ISM2: variants seen among roughly 807,000 people sequenced by gnomAD.
ISM2 encodes the protein isthmin-2.
Under a neutral mutation model 58.0 loss-of-function variants are expected in ISM2, and 50 were observed. That is an observed-to-expected ratio of 0.86 (90% CI 0.69 to 1.09). The LOEUF is 1.09. ISM2 is among the 50% of genes least tolerant of loss of function. ISM2 has a pLI of 0.00. For synonymous variants in ISM2, 303 were observed against 312.4 expected (o/e 0.97, Z 0.32); for missense variants, 723 against 745.0 (o/e 0.97, Z 0.34).
intron 1 of ISM2, chr14:77,498,111 A>G (rs1174928230): frequency 2.5e-6 from 1 of 397,812 alleles, no homozygotes; most frequent in Non-Finnish European, 4.4e-6. Context: ...CCTGTTTTAT[A>G]CCCCAATGCC....
At chr14:77,476,948 G>A (rs1215182030) in intron 6 of ISM2, among the ~76,000 whole-genome samples, 1 of 152,182 alleles carries the variant, frequency 6.6e-6, no homozygotes, top group Non-Finnish European at 1.5e-5. Flanking sequence ...TGAGACATGA[G>A]AATCACTTGA....
In ISM2 at chr14:77,484,585, G is replaced by A. The variant is rs754522614; in HGVS notation, c.385-20C>T. 5 of 1,604,604 alleles carry A rather than the reference G, an allele frequency of 3.1e-6. No homozygotes were observed. In the Admixed American group the frequency reaches 6.8e-5, roughly 22 times the overall value. On this transcript the variant is annotated intron_variant, in intron 2 of 6. Transcript: ENST00000342219. Reference sequence around the variant, plus strand: ...TGAAGCCTGAGGAAGAGAGAGGGAAGGTGAGGTGACAGGTTAGGGCTTACC... The same window carrying A: ...TGAAGCCTGAGGAAGAGAGAGGGAAAGTGAGGTGACAGGTTAGGGCTTACC...
At chr14:77,489,515 TC>T (rs1440709757) in intron 1 of ISM2, among the ~76,000 whole-genome samples, 7 of 152,018 alleles carry the variant, frequency 4.6e-5, no homozygotes, top group Non-Finnish European at 8.8e-5. Flanking sequence ...TGGATTTCAT[TC>T]TCCCTCAACT....
intron 4 of ISM2, among the ~76,000 whole-genome samples, chr14:77,481,288 C>T (rs1391473012): frequency 1.3e-5 from 2 of 151,310 alleles, no homozygotes; most frequent in South Asian, 2.1e-4. Context: ...TGCAGTGAGC[C>T]GAGATTGTGC....
chr14:77,498,729 T>TCCAGCAGCGCCG lies in ISM2; in HGVS notation c.53_64dup (p.Ala18_Leu21dup), dbSNP rs1412980408. ...CTTCACGGGGAGCCCTAGCGCCGCC[T>TCCAGCAGCGCCG]CCAGCAGCGCCGCCAGCAGCAGCAC... On this transcript the variant is annotated inframe_insertion, in exon 1 of 7. Transcript: ENST00000342219. 7.4e-6 allele frequency: 11 copies of TCCAGCAGCGCCG among 1,481,966 alleles called. No individual in the cohort carries two copies. The African/African-American group carries it at 1.5e-4, about 20-fold the overall frequency. 91.8% of individuals were successfully genotyped at this position (1,481,966 alleles called of 1,614,324 possible).
chr14:77,482,403 A>T lies in ISM2; in HGVS notation c.892T>A (p.Trp298Arg). The T allele has an allele frequency of 6.2e-7, 1 of 1,614,210 alleles. No homozygotes were observed. The highest frequency in any genetic ancestry group is 8.5e-7 in the Non-Finnish European group (1 of 1,180,028). ...CAGTTGTCTGTAGTTCCATTGAACCAGAGCGCCTGCTCTTCCTCATCTTCC... is the reference window on the plus strand; with the variant it reads ...CAGTTGTCTGTAGTTCCATTGAACCTGAGCGCCTGCTCTTCCTCATCTTCC... ...KEEDEEEQAL[W>R]FNGTTDNWDQ... The change falls in exon 4 of 7, where the codon TGG (tryptophan) becomes AGG (arginine). Residue 298 changes from tryptophan (W) to arginine (R), a missense_variant. Physicochemically the swap from Trp to Arg is moderately radical, Grantham distance 101. Transcript: ENST00000342219.
intron 1 of ISM2, among the ~76,000 whole-genome samples, chr14:77,490,978 T>C (rs1446868699): frequency 6.6e-6 from 1 of 152,128 alleles, no homozygotes; most frequent in Non-Finnish European, 1.5e-5. Context: ...CAGACCTAGG[T>C]TCTAGTTCTC....
intron 1 of ISM2, among the ~76,000 whole-genome samples, chr14:77,490,434 T>C (rs144810418): frequency 0.014 from 2,136 of 152,270 alleles, 79 homozygotes; most frequent in Admixed American, 0.079. Flanking sequence ...ACAGACTCAC[T>C]GGATTCTCAC....
intron 1 of ISM2, among the ~76,000 whole-genome samples, chr14:77,493,732 G>A (rs1286817143): frequency 1.3e-5 from 2 of 152,094 alleles, no homozygotes; most frequent in Non-Finnish European, 2.9e-5. Context: ...AAAGTGCCGG[G>A]ATTATAGGCG....
At chr14:77,478,947 G>A (rs886951907) in intron 4 of ISM2, among the ~76,000 whole-genome samples, 2 of 152,166 alleles carry the variant, frequency 1.3e-5, no homozygotes, top group African/African-American at 4.8e-5. Context: ...ACAGTATAAC[G>A]CCTAGCCACT....
At chr14:77,480,333 C>T (rs2079123811) in intron 4 of ISM2, among the ~76,000 whole-genome samples, 1 of 151,586 alleles carries the variant, frequency 6.6e-6, no homozygotes, top group African/African-American at 2.4e-5. Context: ...TTCCCTGCTA[C>T]CCATATTAGG....
chr14:77,476,952 C>G (rs913675650), intron 6 of ISM2, among the ~76,000 whole-genome samples: 2 of 152,140 alleles, frequency 1.3e-5, no homozygotes, highest in African/African-American at 4.8e-5. Context: ...ACATGAGAAT[C>G]ACTTGAACCC....
intron 1 of ISM2, among the ~76,000 whole-genome samples, chr14:77,496,013 G>C (rs2139975194): frequency 6.6e-6 from 1 of 152,134 alleles, no homozygotes; most frequent in South Asian, 2.1e-4. Flanking sequence ...AGGAGTTTGA[G>C]ACCAGCCTGG....
intron 1 of ISM2, among the ~76,000 whole-genome samples, chr14:77,487,987 T>C (rs548906836): frequency 4.6e-5 from 7 of 152,026 alleles, no homozygotes; most frequent in Non-Finnish European, 1.0e-4. Flanking sequence ...GCCACGTACA[T>C]CTCCCAGAAG....
rs2079152244 is a variant in ISM2, at chr14:77,484,351, G to A, written c.599C>T (p.Thr200Ile). Residue 200 changes from threonine to isoleucine, a missense_variant, in exon 3 of 7, where the codon ACC (threonine) becomes ATC (isoleucine). Physicochemically the swap from Thr to Ile is moderately conservative, Grantham distance 89 (BLOSUM62 -1). Transcript: ENST00000342219. ...GTTATCAGGGTTAGGGGTACTCAAG[G>A]TTGCGTGGACCAATTCTGGCAGCTT... ...LQKLPELVHA[T>I]LSTPNPDNQV... The A allele has an allele frequency of 6.2e-7, 1 of 1,612,230 alleles. No homozygotes were observed. Among genetic ancestry groups the A allele is most frequent in the Non-Finnish European group, 8.5e-7 (1 of 1,178,928 alleles).
chr14:77,478,373 G>T, intron 5 of ISM2, 48 bp from the exon 6 acceptor site: 2 of 1,544,996 alleles, frequency 1.3e-6, no homozygotes, highest in Non-Finnish European at 1.8e-6. Flanking sequence ...GGCCACCTCA[G>T]TGCCGCTGAT....
At position 77,484,847 on chromosome 14, in the gene ISM2, G is replaced by T; in HGVS notation, c.214C>A (p.Gln72Lys). ...EAPLLPRTHL[Q>K]AEPHQHGCWT... is the part of the protein sequence containing the mutation. ...CATCCATGTTGGTGTGGCTCTGCCT[G>T]CAGGTGGGTTCTGGGGAGCAGTGGT... The change falls in exon 2 of 7, where the codon CAG becomes AAG. Residue 72 changes from glutamine (Q) to lysine (K), a missense_variant. Transcript: ENST00000342219. 6.2e-7 allele frequency: 1 copy of T among 1,606,576 alleles called. No individual in the cohort carries two copies. Among genetic ancestry groups the T allele is most frequent in the Non-Finnish European group, 8.5e-7 (1 of 1,176,412 alleles).
intron 4 of ISM2, among the ~76,000 whole-genome samples, chr14:77,480,940 C>T (rs1428431434): frequency 6.6e-6 from 1 of 152,154 alleles, no homozygotes; most frequent in Non-Finnish European, 1.5e-5. Flanking sequence ...CAATAGGCAC[C>T]TCTGTCCATT....
chr14:77,477,491 T>C (rs1010450259), intron 6 of ISM2, among the ~76,000 whole-genome samples: 8 of 152,130 alleles, frequency 5.3e-5, no homozygotes, highest in African/African-American at 1.9e-4. Flanking sequence ...GAGACACACA[T>C]TTCCCAGGCC....
Sources: gnomAD v4.1 joint callset for allele counts (sites outside exome capture counted in the v4.1 genomes callset) on GRCh38, gnomAD v4.1.1 for gene constraint, MANE v1.5 for transcripts, NCBI Gene and HGNC (gene_info 2026-07-23, HGNC 2026-07-21) for gene names.